SYT1: variants seen among roughly 807,000 people sequenced by gnomAD.
The protein encoded by SYT1 is synaptotagmin 1.
In SYT1, 8 loss-of-function variants were observed where a neutral mutation model predicts 44.8. The ratio of observed to expected loss-of-function variants is 0.18; its 90% CI spans 0.10 to 0.32. SYT1 has a LOEUF of 0.32. Ranked by LOEUF, SYT1 falls within the 10% of genes least tolerant of loss-of-function variation. The pLI, the probability that SYT1 is intolerant of heterozygous loss-of-function variation, is 1.00. For missense variants in SYT1, 286 were observed against 509.3 expected (o/e 0.56, Z 4.22); for synonymous variants, 154 against 188.8 (o/e 0.82, Z 1.51).
At chr12:79,219,422 G>T (rs1875016698) in intron 4 of SYT1, among the ~76,000 whole-genome samples, 1 of 151,876 alleles carries the variant, frequency 6.6e-6, no homozygotes, top group Non-Finnish European at 1.5e-5. Flanking sequence ...AAAAGTTATT[G>T]TCAAGACCAT....
intron 1 of SYT1, among the ~76,000 whole-genome samples, chr12:78,876,137 C>A (rs1358353365): frequency 6.6e-6 from 1 of 151,536 alleles, no homozygotes; most frequent in Non-Finnish European, 1.5e-5. Context: ...ACACAGAAAA[C>A]ATAATGAAAC....
At chr12:78,903,377 C>G (rs1368910257) in intron 1 of SYT1, among the ~76,000 whole-genome samples, 1 of 151,664 alleles carries the variant, frequency 6.6e-6, no homozygotes, top group Non-Finnish European at 1.5e-5. Context: ...CCTCTGCCTC[C>G]TGGGTTCAAG....
At position 79,449,830 on chromosome 12, in the gene SYT1, T is replaced by TAAAATAATGGC. The variant is rs1870948885; in HGVS notation, c.*707_*717dup. 1.3e-5 allele frequency: 2 copies of TAAAATAATGGC among 152,114 alleles called. No homozygotes were observed. The highest frequency in any genetic ancestry group is 6.6e-5 in the Admixed American group (1 of 15,248). 9.4% of individuals were successfully genotyped at this position (152,114 alleles called of 1,614,324 possible). ...ACCTGTCTGTACATATTTACAAAGC[T>TAAAATAATGGC]AAAATAATGGCTTCACTCTTATATT... On this transcript the variant is annotated 3_prime_UTR_variant, in exon 11 of 11. Coordinates refer to ENST00000261205, the MANE Select transcript of SYT1 (RefSeq NM_005639.3).
intron 3 of SYT1, among the ~76,000 whole-genome samples, chr12:79,196,272 A>G (rs1426100328): frequency 1.3e-5 from 2 of 151,962 alleles, no homozygotes; most frequent in African/African-American, 4.8e-5. Context: ...GGTTCAAGTC[A>G]TTCTCCTGCC....
intron 2 of SYT1, among the ~76,000 whole-genome samples, chr12:78,999,949 A>C (rs1870622560): frequency 6.6e-6 from 1 of 152,228 alleles, no homozygotes; most frequent in African/African-American, 2.4e-5. Flanking sequence ...AGAAATGCTA[A>C]CTATTGGAAA....
chr12:79,436,759 A>AT (rs1870115918), intron 9 of SYT1, among the ~76,000 whole-genome samples: 1 of 152,204 alleles, frequency 6.6e-6, no homozygotes, highest in South Asian at 2.1e-4. Context: ...GGAAGCTCTG[A>AT]TTTTAGAAGT....
intron 4 of SYT1, among the ~76,000 whole-genome samples, chr12:79,241,762 C>G (rs1461057512): frequency 6.6e-6 from 1 of 152,170 alleles, no homozygotes; most frequent in Non-Finnish European, 1.5e-5. Flanking sequence ...ACTGTATGTT[C>G]AAGTCCTAAC....
At chr12:78,996,535 G>A (rs755223688) in intron 2 of SYT1, among the ~76,000 whole-genome samples, 13 of 152,132 alleles carry the variant, frequency 8.5e-5, no homozygotes, top group Non-Finnish European at 1.0e-4. Context: ...TATTTTAGAC[G>A]CTAATAGTCA....
In SYT1 at chr12:79,059,065, C is replaced by G. The variant is rs533333120; in HGVS notation, c.-18+11703C>G. Among the ~76,000 whole-genome samples the G allele has an allele frequency of 1.3e-3, 196 of 152,082 alleles. 1 individual carries two copies. Among genetic ancestry groups the G allele is most frequent in the Non-Finnish European group, 1.9e-3 (126 of 67,954 alleles). On this transcript the variant is annotated intron_variant, in intron 3 of 10. Coordinates refer to ENST00000261205, the MANE Select transcript of SYT1 (RefSeq NM_005639.3). ...TAGCTGGGGAGGCCTCACAATCATG[C>G]CAGAAGGTGAATGGGGGTCAAAGGC...
intron 2 of SYT1, among the ~76,000 whole-genome samples, chr12:79,015,069 G>A (rs1233976076): frequency 6.6e-6 from 1 of 151,948 alleles, no homozygotes; most frequent in Admixed American, 6.6e-5. Flanking sequence ...TGTAGGGTGG[G>A]GGGAGAGGGG....
chr12:78,980,189 A>G (rs1869144663), intron 2 of SYT1, among the ~76,000 whole-genome samples: 1 of 142,208 alleles, frequency 7.0e-6, no homozygotes, highest in Non-Finnish European at 1.6e-5. Flanking sequence ...GTTAGGGGAC[A>G]AAGAACTGTC....
intron 3 of SYT1, among the ~76,000 whole-genome samples, chr12:79,153,812 A>T (rs1000430568): frequency 1.3e-5 from 2 of 152,130 alleles, no homozygotes; most frequent in South Asian, 2.1e-4. Context: ...TTGTCTGCCC[A>T]TGTATTCAAT....
At chr12:79,425,189 C>T (rs1223478105) in intron 9 of SYT1, among the ~76,000 whole-genome samples, 1 of 151,972 alleles carries the variant, frequency 6.6e-6, no homozygotes, top group African/African-American at 2.4e-5. Flanking sequence ...TACTCTCATC[C>T]TTCCACCCAC....
intron 8 of SYT1, among the ~76,000 whole-genome samples, chr12:79,328,803 G>T (rs1047237679): frequency 6.7e-6 from 1 of 148,778 alleles, no homozygotes; most frequent in Non-Finnish European, 1.5e-5. Flanking sequence ...CCAAGATCAC[G>T]CCATAGCACT....
chr12:78,897,835 G>T (rs1262129588), intron 1 of SYT1, among the ~76,000 whole-genome samples: 1 of 152,010 alleles, frequency 6.6e-6, no homozygotes, highest in African/African-American at 2.4e-5. Flanking sequence ...TGATGCCTTT[G>T]TTGGTTTTTA....
chr12:79,413,328 T>C (rs1868543789), intron 9 of SYT1, among the ~76,000 whole-genome samples: 1 of 152,218 alleles, frequency 6.6e-6, no homozygotes, highest in South Asian at 2.1e-4. Flanking sequence ...CTCTTGTCTC[T>C]GTAGAGTGGC....
intron 3 of SYT1, among the ~76,000 whole-genome samples, chr12:79,209,453 A>C (rs1874313114): frequency 6.6e-6 from 1 of 152,232 alleles, no homozygotes; most frequent in African/African-American, 2.4e-5. Flanking sequence ...GCAGATGTGC[A>C]GAAGGGGAGA....
chr12:79,067,869 C>G (rs963494231), intron 3 of SYT1, among the ~76,000 whole-genome samples: 30 of 152,154 alleles, frequency 2.0e-4, no homozygotes, highest in African/African-American at 7.0e-4. Context: ...TATATTTGTT[C>G]AAGACCAACA....
intron 1 of SYT1, among the ~76,000 whole-genome samples, chr12:78,888,598 A>G (rs1874874608): frequency 6.6e-6 from 1 of 151,956 alleles, no homozygotes; most frequent in African/African-American, 2.4e-5. Context: ...AGTTATTATC[A>G]TCTTTTCTAA....
Sources: allele counts gnomAD v4.1 joint callset (sites outside exome capture counted in the v4.1 genomes callset), GRCh38; gene constraint gnomAD v4.1.1; transcripts MANE v1.5; gene names NCBI Gene and HGNC (gene_info 2026-07-23, HGNC 2026-07-21).